Variants in SPATA45 observed in about 807,000 individuals in gnomAD.
SPATA45 encodes the protein spermatogenesis-associated protein 45.
Under a neutral mutation model 7.0 loss-of-function variants are expected in SPATA45, and 5 were observed. The ratio of observed to expected loss-of-function variants is 0.71; its 90% CI spans 0.37 to 1.50. The LOEUF is 1.50. Ranked by LOEUF, SPATA45 falls within the 40% of genes most tolerant of loss-of-function variation. SPATA45 has a pLI of 0.03. For synonymous variants in SPATA45, 40 were observed against 38.7 expected, an observed-to-expected ratio of 1.03 and a Z score of -0.13; for missense variants, 111 against 114.9, an observed-to-expected ratio of 0.97 and a Z score of 0.16.
In SPATA45 at chr1:212,836,006, C is replaced by T. The variant is rs1663578153; in HGVS notation, c.144G>A (p.Lys48=). The change falls in exon 2 of 3, where the codon AAG becomes AAA. Residue 48 remains lysine (K), a synonymous_variant. Coordinates refer to ENST00000332912, the MANE Select transcript of SPATA45 (RefSeq NM_001024601.3). ...SNQVSLLRVQ[K]RHFPDAYQSF... The stretch of plus-strand genomic sequence containing the variant: ...ACTGATAGGCATCCGGGAAGTGCCT[C>T]TTTTGAACTCTCAGTAAGCTGACTT... The T allele has an allele frequency of 6.2e-7, 1 of 1,611,378 alleles. No individual in the cohort carries two copies. The highest frequency in any genetic ancestry group is 1.3e-5 in the African/African-American group (1 of 74,852).
intron 1 of SPATA45, among the ~76,000 whole-genome samples, chr1:212,842,237 G>A (rs1445080087): frequency 6.6e-6 from 1 of 151,780 alleles, no homozygotes; most frequent in Non-Finnish European, 1.5e-5. Context: ...AATTAGCCAA[G>A]TGTGGTGGCA....
At chr1:212,834,419 C>T (rs912158380) in intron 2 of SPATA45, among the ~76,000 whole-genome samples, 24 of 151,252 alleles carry the variant, frequency 1.6e-4, no homozygotes, top group African/African-American at 5.6e-4. Flanking sequence ...ACCATCACCA[C>T]CATGCCATCC....
intron 1 of SPATA45, among the ~76,000 whole-genome samples, chr1:212,837,961 T>C (rs1254771312): frequency 6.6e-6 from 1 of 151,602 alleles, no homozygotes; most frequent in Non-Finnish European, 1.5e-5. Context: ...GAGGGACAAT[T>C]GGACCAACAG....
intron 2 of SPATA45, among the ~76,000 whole-genome samples, chr1:212,831,289 C>A (rs1007187384): frequency 6.6e-6 from 1 of 150,948 alleles, no homozygotes; most frequent in Non-Finnish European, 1.5e-5. Context: ...GGCAACATGG[C>A]AAAATCCAGA....
intron 1 of SPATA45, among the ~76,000 whole-genome samples, chr1:212,840,574 C>A (rs545756465): frequency 6.6e-6 from 1 of 152,148 alleles, no homozygotes; most frequent in African/African-American, 2.4e-5. Context: ...AGGCGCACCA[C>A]CATGCCCAGC....
intron 1 of SPATA45, among the ~76,000 whole-genome samples, chr1:212,841,053 G>C (rs1262503999): frequency 6.6e-6 from 1 of 152,044 alleles, no homozygotes; most frequent in East Asian, 1.9e-4. Flanking sequence ...CGATTCTCCT[G>C]CCTCAGCCTC....
At chr1:212,832,777 T>G (rs1281361327) in intron 2 of SPATA45, among the ~76,000 whole-genome samples, 1 of 151,586 alleles carries the variant, frequency 6.6e-6, no homozygotes, top group East Asian at 1.9e-4. Flanking sequence ...GAGAAACTCT[T>G]AGGTTTGTGA....
chr1:212,842,019 C>A (rs2102513345), intron 1 of SPATA45, among the ~76,000 whole-genome samples: 1 of 152,018 alleles, frequency 6.6e-6, no homozygotes, highest in Admixed American at 6.5e-5. Flanking sequence ...CCTTGGCCTC[C>A]CAAATTGCTG....
At chr1:212,830,372 G>C in intron 2 of SPATA45, 111 bp from the exon 3 acceptor site, 1 of 626,858 alleles carries the variant, frequency 1.6e-6, no homozygotes, top group Non-Finnish European at 2.7e-6. Flanking sequence ...AGGAACTAAG[G>C]TTTAGAAACA....
rs773235913 is a variant in SPATA45, at chr1:212,835,859, T to C, written c.277+14A>G. 2.6e-6 allele frequency: 4 copies of C among 1,565,126 alleles called. No homozygotes were observed. The highest frequency in any genetic ancestry group is 2.1e-5 in the Admixed American group (1 of 48,776). On this transcript the variant is annotated intron_variant, in intron 2 of 2. Transcript: ENST00000332912. ...CTCAAAAAAAAAAAAAAAAATCCTATGATAACTTCTTACTTTTTGGTGGAA... is the reference window on the plus strand; with the variant it reads ...CTCAAAAAAAAAAAAAAAAATCCTACGATAACTTCTTACTTTTTGGTGGAA...
intron 1 of SPATA45, among the ~76,000 whole-genome samples, chr1:212,840,496 C>G (rs541660879): frequency 1.3e-5 from 2 of 152,250 alleles, no homozygotes; most frequent in South Asian, 4.1e-4. Flanking sequence ...CTTGCTCTGT[C>G]GTCCAGGCTG....
intron 2 of SPATA45, among the ~76,000 whole-genome samples, chr1:212,835,225 T>G (rs1663566091): frequency 6.6e-6 from 1 of 151,640 alleles, no homozygotes; most frequent in South Asian, 2.1e-4. Flanking sequence ...TATACATTGG[T>G]TAAGAATCCT....
In SPATA45 at chr1:212,839,109, A is replaced by G. The variant is rs563323568; in HGVS notation, c.-38-2922T>C. On this transcript the variant is annotated intron_variant, in intron 1 of 2. Transcript: ENST00000332912. ...ATATGTGCACAATTGACACTGAGTTATAAAATATATTTATATATATTATAT... is the reference window on the plus strand; with the variant it reads ...ATATGTGCACAATTGACACTGAGTTGTAAAATATATTTATATATATTATAT... Among the ~76,000 whole-genome samples the G allele has an allele frequency of 3.6e-5, 5 of 139,042 alleles. 1 individual carries two copies. The highest frequency in any genetic ancestry group is 1.5e-4 in the Admixed American group (2 of 13,774). 91.2% of individuals were successfully genotyped at this position (139,042 alleles called of 152,430 possible).
At chr1:212,834,414 C>G (rs1297220392) in intron 2 of SPATA45, among the ~76,000 whole-genome samples, 4 of 151,128 alleles carry the variant, frequency 2.6e-5, no homozygotes, top group African/African-American at 4.8e-5. Context: ...CCACCACCAT[C>G]ACCACCATGC....
At chr1:212,840,864 C>T (rs1663668994) in intron 1 of SPATA45, among the ~76,000 whole-genome samples, 2 of 152,050 alleles carry the variant, frequency 1.3e-5, no homozygotes, top group African/African-American at 2.4e-5. Flanking sequence ...TTGATCTGCC[C>T]GCCTTGGCCT....
chr1:212,845,260 G>A (rs1039119532), intron 1 of SPATA45, among the ~76,000 whole-genome samples: 3 of 151,810 alleles, frequency 2.0e-5, no homozygotes, highest in Admixed American at 6.6e-5. Context: ...CTCAGGGATT[G>A]TTCAGGCCCC....
At chr1:212,844,990 C>A (rs943142696) in intron 1 of SPATA45, among the ~76,000 whole-genome samples, 1 of 152,002 alleles carries the variant, frequency 6.6e-6, no homozygotes, top group African/African-American at 2.4e-5. Context: ...TTCTCCTTCT[C>A]ATTGGTCACT....
chr1:212,844,207 G>A (rs1663745596), intron 1 of SPATA45, among the ~76,000 whole-genome samples: 1 of 152,200 alleles, frequency 6.6e-6, no homozygotes, highest in Non-Finnish European at 1.5e-5. Context: ...AGCGGCTGCT[G>A]CTGCTGCTTT....
chr1:212,843,094 C>T (rs1663719898), intron 1 of SPATA45, among the ~76,000 whole-genome samples: 1 of 100,926 alleles, frequency 9.9e-6, no homozygotes, highest in Non-Finnish European at 2.1e-5. Context: ...AAGACTCCGT[C>T]AAACATACAC....
Sources: gnomAD v4.1 joint callset for allele counts (sites outside exome capture counted in the v4.1 genomes callset) on GRCh38, gnomAD v4.1.1 for gene constraint, MANE v1.5 for transcripts, NCBI Gene and HGNC (gene_info 2026-07-23, HGNC 2026-07-21) for gene names.